The following FTO variants were observed in gnomAD, a reference collection of about 807,000 sequenced individuals.
The protein encoded by FTO is alpha-ketoglutarate-dependent dioxygenase FTO.
FTO carries 47 observed loss-of-function variants against 63.9 expected under a neutral mutation model. That is an observed-to-expected ratio of 0.74 (90% CI 0.58 to 0.94). The LOEUF is 0.94. FTO is among the 40% of genes least tolerant of loss of function. The pLI is 0.00. For missense variants in FTO, 562 were observed against 618.1 expected (o/e 0.91, Z 0.96); for synonymous variants, 207 against 224.4 (o/e 0.92, Z 0.69).
intron 8 of FTO, among the ~76,000 whole-genome samples, chr16:53,958,706 G>A (rs1167479080): frequency 6.6e-6 from 1 of 152,212 alleles, no homozygotes; most frequent in Non-Finnish European, 1.5e-5. Flanking sequence ...GTGGCCTCGG[G>A]AAAGCTGCCG....
At chr16:53,740,718 G>A (rs2151538656) in intron 1 of FTO, among the ~76,000 whole-genome samples, 1 of 152,302 alleles carries the variant, frequency 6.6e-6, no homozygotes, top group Non-Finnish European at 1.5e-5. Flanking sequence ...AACCAGGTCT[G>A]TGGCTTTTTC....
chr16:53,925,320 A>G (rs1567442943), intron 7 of FTO, among the ~76,000 whole-genome samples: 1 of 152,184 alleles, frequency 6.6e-6, no homozygotes, highest in Non-Finnish European at 1.5e-5. Context: ...TATGTATATA[A>G]AAAGTGTTGG....
intron 8 of FTO, chr16:54,040,773 A>T (rs1404223425): frequency 6.6e-6 from 1 of 152,244 alleles, no homozygotes; most frequent in Non-Finnish European, 1.5e-5. Context: ...AGATGAGAAT[A>T]GTCAGAGAGG....
intron 7 of FTO, among the ~76,000 whole-genome samples, chr16:53,920,257 A>G (rs577833433): frequency 1.3e-5 from 2 of 152,188 alleles, no homozygotes; most frequent in Non-Finnish European, 2.9e-5. Context: ...CATTTTACAC[A>G]TGAGGAAACT....
At chr16:54,029,727 C>T (rs1486307934) in intron 8 of FTO, among the ~76,000 whole-genome samples, 1 of 152,178 alleles carries the variant, frequency 6.6e-6, no homozygotes, top group African/African-American at 2.4e-5. Flanking sequence ...AAGTATCTTT[C>T]TGTGGTGACG....
intron 1 of FTO, among the ~76,000 whole-genome samples, chr16:53,802,392 T>G (rs548339539): frequency 1.4e-4 from 22 of 152,304 alleles, no homozygotes; most frequent in African/African-American, 5.3e-4. Context: ...CAGCAATATT[T>G]TTTATCTGAC....
At chr16:53,993,484 G>C (rs2083861303) in intron 8 of FTO, 1 of 152,202 alleles carries the variant, frequency 6.6e-6, no homozygotes, top group African/African-American at 2.4e-5. Flanking sequence ...GAGTAATTAA[G>C]AGGGGAACTT....
intron 8 of FTO, among the ~76,000 whole-genome samples, chr16:53,976,275 A>AT (rs1468791238): frequency 5.9e-5 from 9 of 152,128 alleles, no homozygotes; most frequent in Admixed American, 5.9e-4. Context: ...GTGTTTACCT[A>AT]TTTAATCCAC....
chr16:54,098,041 A>G (rs1229828409), intron 8 of FTO, among the ~76,000 whole-genome samples: 1 of 152,204 alleles, frequency 6.6e-6, no homozygotes, highest in Non-Finnish European at 1.5e-5. Flanking sequence ...TGACTGGAGC[A>G]CAGTGAACAA....
At chr16:53,992,597 C>A (rs1475202330) in intron 8 of FTO, 1 of 152,128 alleles carries the variant, frequency 6.6e-6, no homozygotes, top group Non-Finnish European at 1.5e-5. Flanking sequence ...TCCTGCCTAG[C>A]TTATCACAGT....
rs111994780 is a variant in FTO, at chr16:54,005,060, G to C, written c.1364+70951G>C. On this transcript the variant is annotated intron_variant, in intron 8 of 8. Coordinates refer to ENST00000471389, the MANE Select transcript of FTO (RefSeq NM_001080432.3). ...ACTCCAGCCTGGGCCACAGAGCGAG[G>C]CTCCGTCTAAAAAAAAAAAAAAAAA... 5.0e-5 allele frequency among the ~76,000 whole-genome samples: 7 copies of C among 139,448 alleles called. 1 individual carries two copies. The highest frequency in any genetic ancestry group is 1.6e-4 in the African/African-American group (6 of 37,748). The allele number at this position is 139,448 out of a possible 152,430, so 91.5% of individuals were successfully genotyped here. A position where few individuals can be genotyped will look rare whatever the true frequency, so the allele number is the denominator to read the frequency against.
At chr16:53,857,462 C>CTG (rs1473706539) in intron 4 of FTO, among the ~76,000 whole-genome samples, 2 of 150,402 alleles carry the variant, frequency 1.3e-5, no homozygotes, top group African/African-American at 4.9e-5. Context: ...CTCTCTCTCT[C>CTG]TCTCTTTCTA....
chr16:53,747,405 A>T (rs1186944259), intron 1 of FTO, among the ~76,000 whole-genome samples: 1 of 151,910 alleles, frequency 6.6e-6, no homozygotes, highest in Non-Finnish European at 1.5e-5. Context: ...GGGATATCTC[A>T]TTGTGGTTTT....
intron 4 of FTO, among the ~76,000 whole-genome samples, chr16:53,864,083 T>G (rs1171311636): frequency 6.6e-6 from 1 of 152,166 alleles, no homozygotes; most frequent in Non-Finnish European, 1.5e-5. Flanking sequence ...TCATTGGCTA[T>G]CAAATTCTGA....
At chr16:53,865,290 C>G (rs1296705879) in intron 4 of FTO, among the ~76,000 whole-genome samples, 1 of 152,128 alleles carries the variant, frequency 6.6e-6, no homozygotes, top group East Asian at 1.9e-4. Flanking sequence ...TCAGGATCAA[C>G]CAAAACTGCT....
chr16:53,977,622 CA>C (rs1488084386), intron 8 of FTO, among the ~76,000 whole-genome samples: 1 of 152,148 alleles, frequency 6.6e-6, no homozygotes, highest in Non-Finnish European at 1.5e-5. Context: ...TTAGGAAAGG[CA>C]TGAGTTTACT....
chr16:53,971,709 T>TACTTTTAAC (rs2083321835), intron 8 of FTO, among the ~76,000 whole-genome samples: 1 of 152,240 alleles, frequency 6.6e-6, no homozygotes, highest in Admixed American at 6.5e-5. Flanking sequence ...CTGCAGCTGC[T>TACTTTTAAC]ACTTTTAACT....
rs370303793 is a variant in FTO, at chr16:53,910,264, G to A, written c.1239+21313G>A. 2.2e-4 allele frequency among the ~76,000 whole-genome samples: 34 copies of A among 152,208 alleles called. No individual in the cohort carries two copies. In the East Asian group the frequency reaches 5.2e-3, roughly 23 times the overall value. On this transcript the variant is annotated intron_variant, in intron 7 of 8. Transcript: ENST00000471389. Reference sequence around the variant, plus strand: ...AGAACAAGTAGAGGGGGGAGAATGGGGCCAGCTGATGAAGAGCTTTGAATG... The same window carrying A: ...AGAACAAGTAGAGGGGGGAGAATGGAGCCAGCTGATGAAGAGCTTTGAATG...
At position 53,922,573 on chromosome 16, in the gene FTO, A is replaced by T. The variant is rs183450946; in HGVS notation, c.1240-11412A>T. Among the ~76,000 whole-genome samples, 852 of 152,330 alleles carry T rather than the reference A, an allele frequency of 5.6e-3. 8 individuals are homozygous for T. Among genetic ancestry groups the T allele is most frequent in the Middle Eastern group, 0.01 (3 of 294 alleles). On this transcript the variant is annotated intron_variant, in intron 7 of 8. Coordinates refer to ENST00000471389, the MANE Select transcript of FTO (RefSeq NM_001080432.3). ...AAAGGAAACTACTGATGGTGTTATA[A>T]CTTTTAGTACTGTCATCTGAAAAAT... is the stretch of plus-strand genomic sequence containing the variant.
Sources: allele counts gnomAD v4.1 joint callset (sites outside exome capture counted in the v4.1 genomes callset), GRCh38; gene constraint gnomAD v4.1.1; transcripts MANE v1.5; gene names NCBI Gene and HGNC (gene_info 2026-07-23, HGNC 2026-07-21).